KALRN: variants seen among roughly 807,000 people sequenced by gnomAD.
The protein encoded by KALRN is kalirin RhoGEF kinase.
A neutral mutation model predicts 353.7 loss-of-function variants in KALRN; 70 were observed. The observed-to-expected ratio is 0.20, with a 90% CI of 0.16 to 0.24. KALRN has a LOEUF of 0.24. Ranked by LOEUF, KALRN falls within the 10% of genes least tolerant of loss-of-function variation. KALRN has a pLI of 1.00. For synonymous variants in KALRN, 1,391 were observed against 1,434.8 expected (o/e 0.97, Z 0.69); for missense variants, 2,791 against 3,756.7 (o/e 0.74, Z 6.72).
chr3:124,200,475 C>G (rs963618471), intron 1 of KALRN, among the ~76,000 whole-genome samples: 2 of 152,156 alleles, frequency 1.3e-5, no homozygotes, highest in African/African-American at 4.8e-5. Flanking sequence ...TCTCTGGGGT[C>G]TTTTTTAAAG....
chr3:124,631,774 G>A (rs74661846), intron 34 of KALRN, among the ~76,000 whole-genome samples: 11,935 of 152,318 alleles, frequency 0.078, 586 homozygotes, highest in Middle Eastern at 0.2. Flanking sequence ...TTTCACTCCA[G>A]GTAAAAGCCA....
chr3:124,194,619 C>A (rs2150340888), intron 1 of KALRN, among the ~76,000 whole-genome samples: 1 of 152,308 alleles, frequency 6.6e-6, no homozygotes, highest in Non-Finnish European at 1.5e-5. Context: ...ATAGCTAAAA[C>A]TCCATTTTCA....
intron 10 of KALRN, among the ~76,000 whole-genome samples, chr3:124,360,087 G>C (rs1277701269): frequency 6.6e-6 from 1 of 152,264 alleles, no homozygotes; most frequent in Non-Finnish European, 1.5e-5. Context: ...TGGGCATCCA[G>C]GAGCCAGTGG....
At chr3:124,466,737 C>T (rs904010147) in intron 25 of KALRN, among the ~76,000 whole-genome samples, 2 of 152,126 alleles carry the variant, frequency 1.3e-5, no homozygotes, top group African/African-American at 4.8e-5. Flanking sequence ...GCCCAGTGTG[C>T]GCCCCTCCCC....
chr3:124,310,013 A>T (rs2078096575), intron 6 of KALRN, among the ~76,000 whole-genome samples: 1 of 152,212 alleles, frequency 6.6e-6, no homozygotes, highest in Non-Finnish European at 1.5e-5. Context: ...GTATATGAAA[A>T]ATCCCAAAAT....
intron 3 of KALRN, among the ~76,000 whole-genome samples, chr3:124,253,786 C>T (rs1425397342): frequency 2.0e-5 from 3 of 152,216 alleles, no homozygotes; most frequent in Non-Finnish European, 4.4e-5. Context: ...CTGACATCTT[C>T]ACACTGCTGA....
chr3:124,401,997 CAGGACCTACAGTGTGGTTTCCTTCCTAA>C (rs1316389321), intron 13 of KALRN, among the ~76,000 whole-genome samples: 1 of 152,092 alleles, frequency 6.6e-6, no homozygotes, highest in Non-Finnish European at 1.5e-5. Context: ...TCTGTGATTA[CAGGACCTACAGTGTGGTTTCCTTCCTAA>C]AGGAAGGCAT....
intron 18 of KALRN, 31 bp downstream of exon 18, chr3:124,439,068 A>G (rs545571303): frequency 1.2e-6 from 2 of 1,600,830 alleles, no homozygotes; most frequent in African/African-American, 1.3e-5. Context: ...AAGGGCTCAG[A>G]CTCCTGGCCT....
At chr3:124,036,155 C>G (rs961669268) in intron 1 of KALRN, among the ~76,000 whole-genome samples, 1 of 152,128 alleles carries the variant, frequency 6.6e-6, no homozygotes, top group East Asian at 1.9e-4. Flanking sequence ...CAGATTATTT[C>G]ATCACCTTGG....
rs2077791654 is a variant in KALRN, at chr3:124,220,580, A to G, written c.74-7410A>G. On this transcript the variant is annotated intron_variant, in intron 1 of 59. Transcript: ENST00000682506. Reference sequence around the variant, plus strand: ...AGATCTTGCTTCTAATAGGTTCTCTACTAACTCCAGTTTGACTAACAGTGT... The same window carrying G: ...AGATCTTGCTTCTAATAGGTTCTCTGCTAACTCCAGTTTGACTAACAGTGT... Among the ~76,000 whole-genome samples the G allele has an allele frequency of 2.0e-5, 3 of 152,156 alleles. No homozygotes were observed. The South Asian group carries it at 6.2e-4, about 32-fold the overall frequency.
intron 1 of KALRN, among the ~76,000 whole-genome samples, chr3:124,058,546 T>C (rs1435184404): frequency 6.6e-6 from 1 of 152,190 alleles, no homozygotes; most frequent in Admixed American, 6.5e-5. Flanking sequence ...AATTACCTTT[T>C]TCTTCTTTCT....
At chr3:124,540,769 G>A (rs79448110) in intron 33 of KALRN, among the ~76,000 whole-genome samples, 87 of 152,252 alleles carry the variant, frequency 5.7e-4, no homozygotes, top group African/African-American at 1.9e-3. Context: ...GGGCCACTCC[G>A]TGGGCACCAC....
chr3:124,227,318 G>A (rs932297782), intron 1 of KALRN, among the ~76,000 whole-genome samples: 1 of 152,192 alleles, frequency 6.6e-6, no homozygotes, highest in Non-Finnish European at 1.5e-5. Flanking sequence ...CTTCCCAGGA[G>A]ATTTGTATCT....
At chr3:124,649,974 T>C (rs2083236156) in intron 37 of KALRN, among the ~76,000 whole-genome samples, 1 of 119,912 alleles carries the variant, frequency 8.3e-6, no homozygotes, top group African/African-American at 2.9e-5. Flanking sequence ...AAAATAATAA[T>C]AATAATAATA....
chr3:124,659,368 G>A lies in KALRN; in HGVS notation c.6127G>A (p.Val2043Ile), dbSNP rs2084523139. The A allele has an allele frequency of 5.0e-6, 8 of 1,610,652 alleles. No individual in the cohort carries two copies. Among genetic ancestry groups the A allele is most frequent in the African/African-American group, 2.7e-5 (2 of 74,972 alleles). ...AATATTGCTGCCTGTGTTTCAGGAGGTAAAACAGGAGATAAATCAGAGGCT... is the reference window on the plus strand; with the variant it reads ...AATATTGCTGCCTGTGTTTCAGGAGATAAAACAGGAGATAAATCAGAGGCT... ...VAEYDAYFEE[V>I]KQEINQRLTL... The change falls in exon 43 of 60, where the codon GTA becomes ATA. Residue 2043 changes from valine (V) to isoleucine (I), a missense_variant. Physicochemically the swap from Val to Ile is conservative, Grantham distance 29. Coordinates refer to ENST00000682506, the MANE Select transcript of KALRN (RefSeq NM_001388419.1).
At chr3:124,233,146 T>C (rs1414078800) in intron 2 of KALRN, among the ~76,000 whole-genome samples, 1 of 152,020 alleles carries the variant, frequency 6.6e-6, no homozygotes, top group Non-Finnish European at 1.5e-5. Context: ...TGGTTCCTTG[T>C]GGTTCCAAGA....
At chr3:124,664,485 A>G (rs1578787864) in intron 45 of KALRN, among the ~76,000 whole-genome samples, 1 of 150,178 alleles carries the variant, frequency 6.7e-6, no homozygotes, top group South Asian at 2.1e-4. Context: ...ATCTCAGCTC[A>G]CTGCAACCTC....
intron 47 of KALRN, among the ~76,000 whole-genome samples, chr3:124,668,139 G>A (rs1019794457): frequency 4.0e-5 from 6 of 148,648 alleles, no homozygotes; most frequent in South Asian, 4.2e-4. Flanking sequence ...CCTGAGATCC[G>A]TCCTACATGG....
chr3:124,571,392 GTTTCTCACTC>G (rs1347542241), intron 34 of KALRN, among the ~76,000 whole-genome samples: 3 of 152,132 alleles, frequency 2.0e-5, no homozygotes, highest in African/African-American at 4.8e-5. Flanking sequence ...GCATCCCCTG[GTTTCTCACTC>G]ACAGACACCT....
Sources: allele counts gnomAD v4.1 joint callset (sites outside exome capture counted in the v4.1 genomes callset), GRCh38; gene constraint gnomAD v4.1.1; transcripts MANE v1.5; gene names NCBI Gene and HGNC (gene_info 2026-07-23, HGNC 2026-07-21).